Variants in MYOCOS observed in about 807,000 individuals in gnomAD.
MYOCOS encodes the protein myocilin opposite strand.
At chr1:171,612,371 G>T (rs1049813873) in intron 1 of MYOCOS, among the ~76,000 whole-genome samples, 1 of 151,890 alleles carries the variant, frequency 6.6e-6, no homozygotes, top group Non-Finnish European at 1.5e-5. Context: ...GAGCCACTGC[G>T]CCTGGCCTGT....
chr1:171,623,791 T>A (rs181680250), intron 1 of MYOCOS, 50 bp from the exon 2 acceptor site: 67 of 397,682 alleles, frequency 1.7e-4, no homozygotes, highest in African/African-American at 1.1e-3. Context: ...AGCTGGAGCA[T>A]TCCTGACCCC....
In MYOCOS at chr1:171,626,826, A is replaced by G. The variant is rs1652716914; in HGVS notation, c.*225A>G. ...ATGATATGCATATATTTTGATCTTT[A>G]TGTTATGCTATAGAACTGTTGCTGT... is the stretch of plus-strand genomic sequence containing the variant. On this transcript the variant is annotated 3_prime_UTR_variant, in exon 3 of 3. Coordinates refer to ENST00000637642, the MANE Select transcript of MYOCOS (RefSeq NM_001391940.1). 2.8e-6 allele frequency: 1 copy of G among 359,080 alleles called. No homozygotes were observed. Among genetic ancestry groups the G allele is most frequent in the Non-Finnish European group, 4.9e-6 (1 of 202,186 alleles). 22.2% of individuals were successfully genotyped at this position (359,080 alleles called of 1,614,324 possible). A position where few individuals can be genotyped will look rare whatever the true frequency, so the allele number is the denominator to read the frequency against.
chr1:171,613,397 C>A (rs1384257433), intron 1 of MYOCOS, among the ~76,000 whole-genome samples: 2 of 152,204 alleles, frequency 1.3e-5, no homozygotes, highest in African/African-American at 2.4e-5. Flanking sequence ...CAGAGAGGAC[C>A]AAACCATTTC....
At chr1:171,618,502 C>T (rs1202542372), upstream of MYOCOS, among the ~76,000 whole-genome samples, 5 of 152,188 alleles carry the variant, frequency 3.3e-5, no homozygotes, top group Non-Finnish European at 7.3e-5. Flanking sequence ...TTCAATTCTT[C>T]CTGTAAGGCC....
chr1:171,609,297 G>A (rs1347104095), intron 1 of MYOCOS, among the ~76,000 whole-genome samples: 2 of 152,156 alleles, frequency 1.3e-5, no homozygotes. Context: ...ATTCTTCCTT[G>A]GCCCTATCTC....
At chr1:171,606,899 C>T (rs1652254468) in intron 1 of MYOCOS, among the ~76,000 whole-genome samples, 1 of 152,024 alleles carries the variant, frequency 6.6e-6, no homozygotes, top group Non-Finnish European at 1.5e-5. Flanking sequence ...TAAGACCAGC[C>T]TGACCAAGAG....
At chr1:171,604,959 A>G (rs1320892037) in intron 1 of MYOCOS, among the ~76,000 whole-genome samples, 1 of 152,190 alleles carries the variant, frequency 6.6e-6, no homozygotes, top group African/African-American at 2.4e-5. Context: ...TTGATGAAAA[A>G]GGACTAGATC....
At chr1:171,603,934 A>G (rs1220607128) in intron 1 of MYOCOS, among the ~76,000 whole-genome samples, 4 of 152,116 alleles carry the variant, frequency 2.6e-5, no homozygotes, top group African/African-American at 9.7e-5. Context: ...ACCAAAGGAC[A>G]CCATTAGCTA....
At position 171,626,768 on chromosome 1, in the gene MYOCOS, G is replaced by A; in HGVS notation, c.*167G>A. ...TGGTTTACCCTTGCTAATAGACTTA[G>A]TCATTTTTGGTTTTTTAATCCAAGT... On this transcript the variant is annotated 3_prime_UTR_variant, in exon 3 of 3. Transcript: ENST00000637642. The A allele has an allele frequency of 2.5e-6, 1 of 394,334 alleles. No homozygotes were observed. The highest frequency in any genetic ancestry group is 4.5e-6 in the Non-Finnish European group (1 of 224,108). 24.4% of individuals were successfully genotyped at this position (394,334 alleles called of 1,614,324 possible).
rs76868376 is a variant in MYOCOS at position 171,614,471 on chromosome 1, G to A, written c.-251-327G>A. On this transcript the variant is annotated intron_variant, in intron 1 of 3. Coordinates refer to the MYOCOS transcript ENST00000636697. The stretch of plus-strand genomic sequence containing the variant: ...CTGCAGCTGGGGATGAACCTTTAGA[G>A]TCATCCCAAGTTGAAGCAAGGGGGC... Among the ~76,000 whole-genome samples the A allele has an allele frequency of 2.9e-3, 448 of 152,324 alleles. 1 individual carries two copies. The highest frequency in any genetic ancestry group is 0.01 in the African/African-American group (433 of 41,572).
At chr1:171,621,856 T>C (rs1652582871), upstream of MYOCOS, among the ~76,000 whole-genome samples, 1 of 152,104 alleles carries the variant, frequency 6.6e-6, no homozygotes, top group Non-Finnish European at 1.5e-5. Context: ...ATAGTAATAA[T>C]ACATTTTAAA....
At chr1:171,607,093 CAAAAAAAAAA>C (rs35353881) in intron 1 of MYOCOS, among the ~76,000 whole-genome samples, 1 of 66,812 alleles carries the variant, frequency 1.5e-5, no homozygotes, top group Non-Finnish European at 3.0e-5. Flanking sequence ...GACTCTGTCT[CAAAAAAAAAA>C]AAAAAAAAAA....
At chr1:171,625,614 G>C (rs1355558945) in intron 2 of MYOCOS, among the ~76,000 whole-genome samples, 2 of 152,202 alleles carry the variant, frequency 1.3e-5, no homozygotes, top group Non-Finnish European at 2.9e-5. Context: ...CAGCCCTGAG[G>C]AGGATGGGGA....
At chr1:171,626,056 C>T (rs1331577707) in intron 2 of MYOCOS, among the ~76,000 whole-genome samples, 1 of 152,062 alleles carries the variant, frequency 6.6e-6, no homozygotes, top group African/African-American at 2.4e-5. Flanking sequence ...TTTTTAGATG[C>T]TGGCATCTGG....
At chr1:171,617,662 A>T (rs182076064), upstream of MYOCOS, among the ~76,000 whole-genome samples, 150 of 152,360 alleles carry the variant, frequency 9.8e-4, 1 homozygote, top group Non-Finnish European at 3.8e-4. Context: ...AATTGGAGGC[A>T]GTGAATATAG....
intron 1 of MYOCOS, among the ~76,000 whole-genome samples, chr1:171,614,625 G>A (rs1652416249): frequency 6.6e-6 from 1 of 152,204 alleles, no homozygotes; most frequent in African/African-American, 2.4e-5. Flanking sequence ...GAGGCACTCA[G>A]CTGAGAGTCA....
intron 2 of MYOCOS, among the ~76,000 whole-genome samples, chr1:171,624,308 G>C (rs1016695101): frequency 2.0e-5 from 3 of 152,028 alleles, no homozygotes; most frequent in African/African-American, 7.3e-5. Context: ...TGTCACCTGG[G>C]CTGGAGTTCA....
chr1:171,623,447 C>T (rs1049738752), intron 1 of MYOCOS, among the ~76,000 whole-genome samples: 2 of 152,120 alleles, frequency 1.3e-5, no homozygotes, highest in African/African-American at 4.8e-5. Flanking sequence ...GAGAAAAGGG[C>T]TCCTCTGGAA....
chr1:171,626,052 G>A (rs1652688896), intron 2 of MYOCOS, among the ~76,000 whole-genome samples: 1 of 151,444 alleles, frequency 6.6e-6, no homozygotes, highest in South Asian at 2.1e-4. Flanking sequence ...ATTCTTTTTA[G>A]ATGCTGGCAT....
Sources: gnomAD v4.1 joint callset for allele counts (sites outside exome capture counted in the v4.1 genomes callset) on GRCh38, gnomAD v4.1.1 for gene constraint, MANE v1.5 for transcripts, NCBI Gene and HGNC (gene_info 2026-07-23, HGNC 2026-07-21) for gene names.